Variants in MSH6 observed in about 807,000 individuals in gnomAD.
The protein encoded by MSH6 is mutS homolog 6, also known as DNA mismatch repair protein Msh6.
A neutral mutation model predicts 119.1 loss-of-function variants in MSH6; 85 were observed. The observed-to-expected ratio is 0.71, with a 90% confidence interval of 0.60 to 0.85. The LOEUF is 0.85. MSH6 is among the 40% of genes least tolerant of loss of function. MSH6 has a pLI of 0.00. For synonymous variants in MSH6, 830 were observed against 586.9 expected (o/e 1.41, Z -5.99); for missense variants, 2,163 against 1,655.3 (o/e 1.31, Z -5.32).
intron 5 of MSH6, 89 bp from the exon 6 acceptor site, chr2:47,804,821 A>C: frequency 1.0e-6 from 1 of 956,594 alleles, no homozygotes; most frequent in Non-Finnish European, 1.7e-6. Flanking sequence ...TAGAGTGCCT[A>C]GCTCTTACGT....
Position 47,799,850 on chromosome 2 carries a change from C to A in MSH6, c.1867C>A (p.Pro623Thr), listed in dbSNP as rs3136334. Residue 623 changes from proline to threonine, a missense_variant, in exon 4 of 10, where the codon CCC becomes ACC. By Grantham distance (38) the Pro-to-Thr change is conservative (BLOSUM62 -1). Transcript: ENST00000234420. ...LSCSLQEGLI[P>T]GSQFWDASKT... The stretch of plus-strand genomic sequence containing the variant: ...CTGTTCTCTTCAGGAAGGTCTGATA[C>A]CCGGCTCCCAGTTTTGGGATGCATC... 2 of 1,614,162 alleles carry A rather than the reference C, an allele frequency of 1.2e-6. No homozygotes were observed.
intron 1 of MSH6, chr2:47,783,952 G>A (rs3136237): frequency 1.9e-6 from 2 of 1,028,166 alleles, no homozygotes; most frequent in Non-Finnish European, 2.3e-6. Context: ...GGCCGAACGG[G>A]GAGAGTCCGG....
chr2:47,787,623 G>A (rs1183787356), intron 1 of MSH6, among the ~76,000 whole-genome samples: 1 of 152,070 alleles, frequency 6.6e-6, no homozygotes, highest in Admixed American at 6.6e-5. Flanking sequence ...TTGGAGGGCA[G>A]GAGCAATGGT....
chr2:47,806,096 G>T lies in MSH6; in HGVS notation c.3647-108G>T, dbSNP rs186595078. On this transcript the variant is annotated intron_variant, in intron 7 of 9. Coordinates refer to ENST00000234420, the MANE Select transcript of MSH6 (RefSeq NM_000179.3). Reference sequence around the variant, plus strand: ...GCCTATTTATAGAATGCTTTTAGACGTGGATGTACTAACCGATGTTGCTTT... The same window carrying T: ...GCCTATTTATAGAATGCTTTTAGACTTGGATGTACTAACCGATGTTGCTTT... 7.6e-6 allele frequency: 8 copies of T among 1,053,202 alleles called. No individual in the cohort carries two copies. In the African/African-American group the frequency reaches 9.5e-5, roughly 12 times the overall value. 65.2% of individuals were successfully genotyped at this position (1,053,202 alleles called of 1,614,324 possible).
chr2:47,802,636 T>G (rs959690046), intron 4 of MSH6, among the ~76,000 whole-genome samples: 2 of 99,154 alleles, frequency 2.0e-5, no homozygotes. Context: ...CCCAGCCCTG[T>G]TTTTTTTTTT....
intron 3 of MSH6, chr2:47,797,946 T>G (rs1176470006): frequency 4.8e-6 from 1 of 206,936 alleles, no homozygotes; most frequent in Non-Finnish European, 1.0e-5. Context: ...TTTTATAGTT[T>G]TAGTCTTTTA....
Position 47,788,922 on chromosome 2 carries a change from G to GTTTTTTTTTTTTTTTTTTTTTTT in MSH6, c.261-2002_261-1980dup, listed in dbSNP as rs1558650240. On this transcript the variant is annotated intron_variant, in intron 1 of 9. Coordinates refer to ENST00000234420, the MANE Select transcript of MSH6 (RefSeq NM_000179.3). ...TTTCTTCTTCCTTTTTTTTTTTTTT[G>GTTTTTTTTTTTTTTTTTTTTTTT]TTTTTTTTTTTTTTTTTTTTTTTTT... Among the ~76,000 whole-genome samples, 23 of 40,950 alleles carry GTTTTTTTTTTTTTTTTTTTTTTT rather than the reference G, an allele frequency of 5.6e-4. 3 individuals carry two copies. Among genetic ancestry groups the GTTTTTTTTTTTTTTTTTTTTTTT allele is most frequent in the East Asian group, 2.7e-3 (3 of 1,112 alleles). The allele number at this position is 40,950 out of a possible 152,430, so 26.9% of individuals were successfully genotyped here. A position where few individuals can be genotyped will look rare whatever the true frequency, so the allele number is the denominator to read the frequency against.
chr2:47,801,934 G>A (rs761418662), intron 4 of MSH6, among the ~76,000 whole-genome samples: 1 of 152,092 alleles, frequency 6.6e-6, no homozygotes, highest in Non-Finnish European at 1.5e-5. Flanking sequence ...ATGAGCCACC[G>A]CTCCCGGCCC....
downstream of MSH6, chr2:47,807,854 TACAA>T (rs1401193376): frequency 2.9e-6 from 1 of 342,722 alleles, no homozygotes; most frequent in African/African-American, 2.1e-5. Flanking sequence ...TTGGTATCTG[TACAA>T]AATTGCAGCT....
chr2:47,801,286 C>CTAGTCAGGATGCAAATA, intron 4 of MSH6, 131 bp downstream of exon 4: 1 of 914,352 alleles, frequency 1.1e-6, no homozygotes, highest in Non-Finnish European at 1.7e-6. Context: ...TATTTGCATC[C>CTAGTCAGGATGCAAATA]TGACTAGGCT....
At chr2:47,786,405 G>C (rs1003723785) in intron 1 of MSH6, among the ~76,000 whole-genome samples, 3 of 151,702 alleles carry the variant, frequency 2.0e-5, no homozygotes, top group African/African-American at 7.3e-5. Flanking sequence ...TGTGGTCTCA[G>C]CTCACTGCAA....
downstream of MSH6, chr2:47,809,946 A>C: frequency 2.0e-6 from 1 of 509,152 alleles, no homozygotes; most frequent in South Asian, 3.0e-5. Flanking sequence ...GTTTAAATAC[A>C]TGATACTTGG....
At chr2:47,797,953 T>C in intron 3 of MSH6, 1 of 206,144 alleles carries the variant, frequency 4.9e-6, no homozygotes, top group Non-Finnish European at 1.0e-5. Flanking sequence ...GTTTTAGTCT[T>C]TTAGCCAGAG....
intron 1 of MSH6, among the ~76,000 whole-genome samples, chr2:47,787,323 G>A (rs1668406483): frequency 6.6e-6 from 1 of 152,088 alleles, no homozygotes; most frequent in African/African-American, 2.4e-5. Context: ...TGAAAATGTT[G>A]ATTATATATT....
intron 5 of MSH6, 124 bp downstream of exon 5, chr2:47,803,809 G>A (rs1572736447): frequency 9.9e-7 from 1 of 1,012,582 alleles, no homozygotes; most frequent in Non-Finnish European, 1.5e-6. Context: ...AGGAAGCAAA[G>A]GGAAATTACT....
Position 47,783,254 on chromosome 2 carries a change from G to C in MSH6, c.21G>C (p.Leu7=), listed in dbSNP as rs757815307. 1 of 1,611,946 alleles carries C rather than the reference G, an allele frequency of 6.2e-7. No homozygotes were observed. Among genetic ancestry groups the C allele is most frequent in the African/African-American group, 1.3e-5 (1 of 74,756 alleles). The change falls in exon 1 of 10, where the codon CTG becomes CTC. Residue 7 remains leucine (L), a synonymous_variant. Transcript: ENST00000234420. ...TCGGTATGTCGCGACAGAGCACCCT[G>C]TACAGCTTCTTCCCCAAGTCTCCGG... The part of the protein sequence containing the change: MSRQST[L]YSFFPKSPAL...
intron 4 of MSH6, among the ~76,000 whole-genome samples, chr2:47,802,317 G>C (rs184768827): frequency 1.3e-5 from 2 of 152,144 alleles, no homozygotes; most frequent in Non-Finnish European, 2.9e-5. Flanking sequence ...CTGTTTTATA[G>C]TTTAGGTTTA....
chr2:47,787,203 C>T (rs191312479), intron 1 of MSH6, among the ~76,000 whole-genome samples: 39 of 152,178 alleles, frequency 2.6e-4, no homozygotes, highest in African/African-American at 8.7e-4. Flanking sequence ...ATGGGAGGAT[C>T]GCTTGAGTCC....
Position 47,798,943 on chromosome 2 carries a change from C to A in MSH6, c.960C>A (p.Pro320=). Residue 320 remains proline, a synonymous_variant, in exon 4 of 10, where the codon CCC becomes CCA. Transcript: ENST00000234420. ...GGAAAAGCTCTAGGAAGGAAACGCC[C>A]TCAGCCACCAAACAAGCAACTAGCA... ...LKRKSSRKET[P]SATKQATSIS... The A allele has an allele frequency of 6.2e-7, 1 of 1,614,162 alleles. No individual in the cohort carries two copies. The highest frequency in any genetic ancestry group is 8.5e-7 in the Non-Finnish European group (1 of 1,180,036).
Sources: allele counts gnomAD v4.1 joint callset (sites outside exome capture counted in the v4.1 genomes callset), GRCh38; gene constraint gnomAD v4.1.1; transcripts MANE v1.5; gene names NCBI Gene and HGNC (gene_info 2026-07-23, HGNC 2026-07-21).